Variants in KLRG1 observed in about 807,000 individuals in gnomAD.
The protein encoded by KLRG1 is killer cell lectin-like receptor subfamily G member 1.
KLRG1 carries 16 observed loss-of-function variants against 21.8 expected under a neutral mutation model. The ratio of observed to expected loss-of-function variants is 0.73; its 90% confidence interval spans 0.50 to 1.11. KLRG1 has a LOEUF of 1.11. KLRG1 is among the 50% of genes most tolerant of loss of function. The probability of loss-of-function intolerance (pLI) is 0.00; values close to 1 mark genes in which losing one functional copy is unlikely to be tolerated. For missense variants in KLRG1, 173 were observed against 218.3 expected (o/e 0.79, Z 1.31); for synonymous variants, 69 against 75.9 (o/e 0.91, Z 0.47).
the KLRG1 span, among the ~76,000 whole-genome samples, chr12:9,121,309 G>A: frequency 6.6e-6 from 1 of 152,168 alleles, no homozygotes; most frequent in African/African-American, 2.4e-5. The surrounding 1 kb of genome is among the most constrained non-coding windows in gnomAD (Gnocchi z 4.4). Flanking sequence ...TTGGGAGACT[G>A]AGGCAGGTGG....
chr12:8,976,278 A>G (rs1946656624), intron 1 of KLRG1, among the ~76,000 whole-genome samples: 1 of 152,128 alleles, frequency 6.6e-6, no homozygotes, highest in South Asian at 2.1e-4. Context: ...TTCTCATTTT[A>G]TTAGTTATTG....
the KLRG1 span, chr12:9,160,074 G>T: frequency 6.5e-7 from 1 of 1,536,198 alleles, no homozygotes. Context: ...AGAAAGGCAG[G>T]CCATCCATAT....
intron 3 of KLRG1, among the ~76,000 whole-genome samples, chr12:8,996,151 G>A (rs748204511): frequency 5.3e-5 from 8 of 152,086 alleles, no homozygotes; most frequent in South Asian, 2.1e-4. Context: ...GAAAACACGC[G>A]TGCACGTGCA....
the KLRG1 span, chr12:9,068,027 G>T: frequency 2.0e-6 from 2 of 982,074 alleles, no homozygotes; most frequent in Non-Finnish European, 3.1e-6. Flanking sequence ...CAGAGTCAGC[G>T]GCCCTCTCCA....
chr12:9,011,730 G>A (rs553921351), downstream of KLRG1, among the ~76,000 whole-genome samples: 6 of 152,206 alleles, frequency 3.9e-5, no homozygotes, highest in Non-Finnish European at 8.8e-5. Flanking sequence ...GAGGACAGGA[G>A]AGACAGTCTT....
the KLRG1 span, among the ~76,000 whole-genome samples, chr12:9,176,815 A>G: frequency 2.6e-5 from 4 of 152,200 alleles, no homozygotes; most frequent in East Asian, 7.7e-4. Flanking sequence ...CCACCATTGC[A>G]TGTTAAGTGT....
At chr12:9,195,128 GT>G in the KLRG1 span, among the ~76,000 whole-genome samples, 2 of 152,032 alleles carry the variant, frequency 1.3e-5, no homozygotes, top group Non-Finnish European at 2.9e-5. Context: ...AATATTTAAG[GT>G]GATGAATATC....
the KLRG1 span, among the ~76,000 whole-genome samples, chr12:9,134,842 A>G: frequency 6.6e-6 from 1 of 152,188 alleles, no homozygotes; most frequent in African/African-American, 2.4e-5. Flanking sequence ...GGGAGGTCCT[A>G]GCCATGTAAC....
the KLRG1 span, among the ~76,000 whole-genome samples, chr12:9,019,517 C>T: frequency 6.6e-6 from 1 of 152,136 alleles, no homozygotes; most frequent in South Asian, 2.1e-4. Flanking sequence ...TGTCAGCAAT[C>T]TAAGTGTCAA....
At chr12:9,172,728 G>C in the KLRG1 span, among the ~76,000 whole-genome samples, 1 of 152,100 alleles carries the variant, frequency 6.6e-6, no homozygotes, top group African/African-American at 2.4e-5. Flanking sequence ...AACAAACAAA[G>C]AAGGGTAGTA....
chr12:9,071,009 G>A, the KLRG1 span, among the ~76,000 whole-genome samples: 7 of 151,918 alleles, frequency 4.6e-5, no homozygotes, highest in African/African-American at 1.2e-4. Context: ...TAGTACAGAC[G>A]GGGTTTCTCC....
the KLRG1 span, chr12:9,057,530 AC>A: frequency 6.6e-6 from 1 of 152,588 alleles, no homozygotes; most frequent in Admixed American, 6.5e-5. Context: ...AAAGAAAAAA[AC>A]CCCAAACACA....
the KLRG1 span, among the ~76,000 whole-genome samples, chr12:9,178,548 T>C: frequency 6.6e-5 from 10 of 152,312 alleles, 1 homozygote; most frequent in Middle Eastern, 3.4e-3. Flanking sequence ...TAATGTATGC[T>C]GAGGTTGCCA....
the KLRG1 span, among the ~76,000 whole-genome samples, chr12:9,030,987 A>G: frequency 6.6e-6 from 1 of 152,234 alleles, no homozygotes; most frequent in African/African-American, 2.4e-5. Flanking sequence ...GGCAGGGGGT[A>G]GTGAGAGAAT....
At chr12:9,113,613 C>G in the KLRG1 span, 1 of 1,419,454 alleles carries the variant, frequency 7.0e-7, no homozygotes, top group Middle Eastern at 1.9e-4. Context: ...GCACTTTTTT[C>G]CATCATCATA....
intron 3 of KLRG1, among the ~76,000 whole-genome samples, chr12:8,999,026 G>A (rs937695645): frequency 6.6e-6 from 1 of 151,734 alleles, no homozygotes; most frequent in Admixed American, 6.6e-5. Context: ...ATAGTGAGAT[G>A]CTTTCTTATT....
chr12:9,067,377 A>G, the KLRG1 span: 2 of 272,694 alleles, frequency 7.3e-6, no homozygotes, highest in African/African-American at 4.5e-5. Context: ...GACATGTTCA[A>G]TGTTGTATTT....
the KLRG1 span, among the ~76,000 whole-genome samples, chr12:9,084,837 G>A: frequency 6.6e-6 from 1 of 152,060 alleles, no homozygotes; most frequent in African/African-American, 2.4e-5. Flanking sequence ...GAAGGAAAAA[G>A]ATGTTCTAGG....
chr12:9,196,572 T>G, the KLRG1 span: 34 of 1,598,906 alleles, frequency 2.1e-5, no homozygotes, highest in South Asian at 3.6e-4. Context: ...TACTCACACC[T>G]GTCCCCTCTT....
Sources: allele counts gnomAD v4.1 joint callset (sites outside exome capture counted in the v4.1 genomes callset), GRCh38; gene constraint gnomAD v4.1.1; non-coding constraint Gnocchi (gnomAD v3.1); transcripts MANE v1.5; gene names NCBI Gene and HGNC (gene_info 2026-07-23, HGNC 2026-07-21).